The following C11orf65 variants were observed in gnomAD, a reference collection of about 807,000 sequenced individuals.
The protein encoded by C11orf65 is chromosome 11 open reading frame 65.
C11orf65 carries 38 observed loss-of-function variants against 35.3 expected under a neutral mutation model. That is an observed-to-expected ratio of 1.08 (90% CI 0.83 to 1.41). C11orf65 has a LOEUF of 1.41. Among genes scored for constraint, C11orf65 ranks in the 40% most tolerant of loss-of-function variants. The probability of loss-of-function intolerance (pLI) is 0.00; values close to 1 mark genes in which losing one functional copy is unlikely to be tolerated. For synonymous variants in C11orf65, 105 were observed against 114.4 expected, an observed-to-expected ratio of 0.92 and a Z score of 0.53; for missense variants, 370 against 367.1, an observed-to-expected ratio of 1.01 and a Z score of -0.06.
At chr11:108,356,958 G>C (rs954893392) in intron 2 of C11orf65, among the ~76,000 whole-genome samples, 3 of 152,228 alleles carry the variant, frequency 2.0e-5, no homozygotes, top group Non-Finnish European at 4.4e-5. Flanking sequence ...TGGCCGAATA[G>C]GAACAGCTCC....
At chr11:108,321,036 A>G (rs1378884074) in intron 6 of C11orf65, among the ~76,000 whole-genome samples, 3 of 152,202 alleles carry the variant, frequency 2.0e-5, no homozygotes, top group Non-Finnish European at 2.9e-5. Flanking sequence ...TGAGTAGGAT[A>G]AGGAGGAAGG....
intron 2 of C11orf65, among the ~76,000 whole-genome samples, chr11:108,454,795 G>A (rs1006456616): frequency 3.9e-5 from 6 of 152,024 alleles, no homozygotes; most frequent in African/African-American, 1.4e-4. Context: ...TTAAAGATTT[G>A]CCAATTTTGT....
chr11:108,445,301 T>C (rs935065732), intron 2 of C11orf65, among the ~76,000 whole-genome samples: 85 of 152,190 alleles, frequency 5.6e-4, no homozygotes, highest in African/African-American at 2.0e-3. Context: ...ATGGGCAGAC[T>C]GCCTCCTCAA....
chr11:108,443,820 G>C (rs1035559480), intron 2 of C11orf65, among the ~76,000 whole-genome samples: 3 of 152,152 alleles, frequency 2.0e-5, no homozygotes, highest in African/African-American at 7.2e-5. Flanking sequence ...ATTTAAAGTA[G>C]TGTGTAGACA....
At position 108,393,200 on chromosome 11, in the gene C11orf65, G is replaced by A. The variant is rs1453590249; in HGVS notation, c.731+8C>T. Reference sequence around the variant, plus strand: ...CCTTGTTCCCCAAGAATAGCAACATGTACTTACTCATCAAAGTTCAGTGTA... The same window carrying A: ...CCTTGTTCCCCAAGAATAGCAACATATACTTACTCATCAAAGTTCAGTGTA... On this transcript the variant is annotated splice_region_variant and intron_variant, in intron 7 of 8. Transcript: ENST00000393084. 2 of 1,612,822 alleles carry A rather than the reference G, an allele frequency of 1.2e-6. No individual in the cohort carries two copies. The highest frequency in any genetic ancestry group is 2.2e-5 in the East Asian group (1 of 44,830).
chr11:108,413,588 T>C (rs867687660), intron 3 of C11orf65, among the ~76,000 whole-genome samples: 6 of 152,340 alleles, frequency 3.9e-5, no homozygotes, highest in Middle Eastern at 6.8e-3. Flanking sequence ...ATAATAAGCA[T>C]CCTTGTCTTT....
chr11:108,359,941 A>G (rs980919159), intron 2 of C11orf65, among the ~76,000 whole-genome samples: 3 of 151,832 alleles, frequency 2.0e-5, no homozygotes, highest in South Asian at 2.1e-4. Flanking sequence ...AGAAATAACT[A>G]AAATCAGAGC....
intron 2 of C11orf65, chr11:108,347,341 G>A (rs2137083750): frequency 6.2e-7 from 1 of 1,609,082 alleles, no homozygotes; most frequent in Non-Finnish European, 8.5e-7. Flanking sequence ...TGAGCAGTCA[G>A]CAGAACTTGT....
chr11:108,322,328 A>G (rs1016789538), intron 6 of C11orf65, among the ~76,000 whole-genome samples: 1 of 151,742 alleles, frequency 6.6e-6, no homozygotes, highest in African/African-American at 2.4e-5. Context: ...TAATTTTTCT[A>G]CTTTTAATAG....
intron 2 of C11orf65, among the ~76,000 whole-genome samples, chr11:108,370,544 T>C (rs1200181065): frequency 6.7e-6 from 1 of 149,570 alleles, no homozygotes; most frequent in Non-Finnish European, 1.5e-5. Flanking sequence ...TGGGACATTC[T>C]AGTCCTGTGC....
intron 2 of C11orf65, among the ~76,000 whole-genome samples, chr11:108,449,741 C>G (rs1489437389): frequency 6.6e-6 from 1 of 151,976 alleles, no homozygotes; most frequent in Non-Finnish European, 1.5e-5. Flanking sequence ...GACTTCATGT[C>G]TGAAACACCA....
intron 3 of C11orf65, among the ~76,000 whole-genome samples, chr11:108,429,622 C>T (rs1326756456): frequency 6.6e-6 from 1 of 152,066 alleles, no homozygotes; most frequent in Non-Finnish European, 1.5e-5. Context: ...ACCATATGAT[C>T]CAGCAATTCC....
chr11:108,335,405 T>C lies in C11orf65; in HGVS notation c.227-113A>G, dbSNP rs1310158251. 5.4e-6 allele frequency: 4 copies of C among 739,238 alleles called. No homozygotes were observed. The Admixed American group carries it at 9.6e-5, about 18-fold the overall frequency. The allele number at this position is 739,238 out of a possible 1,614,324, so 45.8% of individuals were successfully genotyped here. A position where few individuals can be genotyped will look rare whatever the true frequency, so the allele number is the denominator to read the frequency against. Reference sequence around the variant, plus strand: ...GAAAAAAAATACTTTGGTGTCTGTCTCTTATTTCCTTGAATAGTGCAAGTT... The same window carrying C: ...GAAAAAAAATACTTTGGTGTCTGTCCCTTATTTCCTTGAATAGTGCAAGTT... On this transcript the variant is annotated intron_variant, in intron 2 of 3. Coordinates refer to the C11orf65 transcript ENST00000524755.
At position 108,337,478 on chromosome 11, in the gene C11orf65, G is replaced by A. The variant is rs182714618; in HGVS notation, c.227-2186C>T. On this transcript the variant is annotated intron_variant, in intron 2 of 3. Transcript: ENST00000524755. ...GACATCATAGTCACTTAGAGAGTTT[G>A]TTAAAAACACAGATTTCTGATCCCC... Among the ~76,000 whole-genome samples the A allele has an allele frequency of 2.6e-5, 4 of 152,306 alleles. No individual in the cohort carries two copies. In the East Asian group the frequency reaches 7.7e-4, roughly 29 times the overall value.
chr11:108,402,907 G>T (rs1297098220), intron 6 of C11orf65, among the ~76,000 whole-genome samples: 1 of 152,148 alleles, frequency 6.6e-6, no homozygotes, highest in Non-Finnish European at 1.5e-5. Context: ...CTGTCTATCA[G>T]TAGTTCATTC....
rs959820109 is a variant in C11orf65 at position 108,365,698 on chromosome 11, T to C, written c.226+27510A>G. The C allele has an allele frequency of 1.1e-5, 8 of 727,328 alleles. No homozygotes were observed. The African/African-American group carries it at 1.2e-4, about 11-fold the overall frequency. 45.1% of individuals were successfully genotyped at this position (727,328 alleles called of 1,614,324 possible). On this transcript the variant is annotated intron_variant, in intron 2 of 3. Transcript: ENST00000524755. ...TGTTTTGATGGTCTTAAGGAACATC[T>C]CTGCTTTCACTCTTTAGAAATAATG...
At chr11:108,330,146 CAT>C (rs1375698381), downstream of C11orf65, 13 of 1,513,804 alleles carry the variant, frequency 8.6e-6, no homozygotes, top group South Asian at 1.2e-5. Flanking sequence ...TGTTGTATAT[CAT>C]GTGTGATTTT....
intron 2 of C11orf65, among the ~76,000 whole-genome samples, chr11:108,452,657 T>C (rs201099359): frequency 0.022 from 3,304 of 152,150 alleles, 91 homozygotes; most frequent in African/African-American, 0.068. Flanking sequence ...TGGGTGTATA[T>C]CCAAAGGATT....
chr11:108,369,017 T>C (rs2091467699), intron 2 of C11orf65: 1 of 180,074 alleles, frequency 5.6e-6, no homozygotes. Flanking sequence ...CTATTTTCTA[T>C]AGATTTTAGT....
Sources: gnomAD v4.1 joint callset for allele counts (sites outside exome capture counted in the v4.1 genomes callset) on GRCh38, gnomAD v4.1.1 for gene constraint, MANE v1.5 for transcripts, NCBI Gene and HGNC (gene_info 2026-07-23, HGNC 2026-07-21) for gene names.